The following MAP4 variants were observed in gnomAD, a reference collection of about 807,000 sequenced individuals.
The protein encoded by MAP4 is microtubule associated protein 4.
MAP4 carries 76 observed loss-of-function variants against 170.2 expected under a neutral mutation model. The observed-to-expected ratio is 0.45, with a 90% CI of 0.37 to 0.54. The LOEUF is 0.54. Ranked by LOEUF, MAP4 falls within the 20% of genes least tolerant of loss-of-function variation. The pLI is 0.00. For synonymous variants in MAP4, 909 were observed against 994.5 expected (o/e 0.91, Z 1.62); for missense variants, 2,506 against 2,748.0 (o/e 0.91, Z 1.97).
Position 47,881,039 on chromosome 3 carries a change from A to G in MAP4, c.5435-3516T>C, listed in dbSNP as rs536356214. Reference sequence around the variant, plus strand: ...TTAGCTCTGTCAGTTTTTGTTTCATATATCTTGATGCTCTGTTTTTTGGTG... The same window carrying G: ...TTAGCTCTGTCAGTTTTTGTTTCATGTATCTTGATGCTCTGTTTTTTGGTG... On this transcript the variant is annotated intron_variant, in intron 10 of 20. Transcript: ENST00000683076. 4.6e-5 allele frequency among the ~76,000 whole-genome samples: 7 copies of G among 152,162 alleles called. No homozygotes were observed. The South Asian group carries it at 1.2e-3, about 27-fold the overall frequency.
In MAP4 at chr3:47,980,303, C is replaced by T. The variant is rs191886941; in HGVS notation, c.224-2370G>A. 3.4e-4 allele frequency among the ~76,000 whole-genome samples: 52 copies of T among 152,248 alleles called. 1 individual carries two copies. The highest frequency in any genetic ancestry group is 3.1e-3 in the Admixed American group (47 of 15,300). On this transcript the variant is annotated intron_variant, in intron 2 of 20. Coordinates refer to ENST00000683076, the MANE Select transcript of MAP4 (RefSeq NM_001385682.1). The stretch of plus-strand genomic sequence containing the variant: ...TACAACTTTTTCTGAAAGTCTCTGA[C>T]TATATCTAACATTTTAGCAACCAGC...
At chr3:47,963,925 AAG>A (rs2100073224) in intron 3 of MAP4, among the ~76,000 whole-genome samples, 1 of 152,238 alleles carries the variant, frequency 6.6e-6, no homozygotes, top group African/African-American at 2.4e-5. Flanking sequence ...TGAGAAAGTG[AAG>A]AGTCAATCAT....
chr3:48,022,725 C>G (rs144815380), intron 1 of MAP4, among the ~76,000 whole-genome samples: 5,768 of 152,122 alleles, frequency 0.038, 377 homozygotes, highest in African/African-American at 0.13. Context: ...CCCGTCTCTA[C>G]GAAAAACACA....
At chr3:47,868,111 C>T (rs537335347) in intron 16 of MAP4, among the ~76,000 whole-genome samples, 48 of 152,296 alleles carry the variant, frequency 3.2e-4, no homozygotes, top group East Asian at 2.1e-3. Flanking sequence ...GCAGCAAGGA[C>T]GCCCAATCCT....
At chr3:48,067,002 G>A (rs956381217) in intron 1 of MAP4, among the ~76,000 whole-genome samples, 3 of 151,626 alleles carry the variant, frequency 2.0e-5, no homozygotes, top group East Asian at 1.9e-4. Flanking sequence ...CACCACGCCC[G>A]GCTAATTTTT....
intron 3 of MAP4, among the ~76,000 whole-genome samples, chr3:47,955,391 A>T (rs1266221859): frequency 6.6e-6 from 1 of 151,724 alleles, no homozygotes; most frequent in Non-Finnish European, 1.5e-5. Flanking sequence ...GCCCACAGAG[A>T]TCTTGATCGC....
intron 6 of MAP4, among the ~76,000 whole-genome samples, chr3:47,918,043 C>T (rs767538548): frequency 4.6e-5 from 7 of 151,990 alleles, no homozygotes; most frequent in East Asian, 1.9e-4. Context: ...AGTGCAGTGG[C>T]GCAATCTCGG....
chr3:48,064,686 G>C (rs1559888845), intron 1 of MAP4, among the ~76,000 whole-genome samples: 2 of 152,092 alleles, frequency 1.3e-5, no homozygotes, highest in South Asian at 2.1e-4. Flanking sequence ...AATGTGTTAG[G>C]TGACTTCATC....
intron 1 of MAP4, chr3:48,013,526 TGA>T (rs749557553): frequency 3.9e-5 from 6 of 152,052 alleles, no homozygotes; most frequent in South Asian, 2.1e-4. Context: ...ATCTGTAAAA[TGA>T]GAGTGTTATG....
intron 1 of MAP4, among the ~76,000 whole-genome samples, chr3:48,078,116 G>A (rs1001662914): frequency 6.6e-6 from 1 of 152,082 alleles, no homozygotes; most frequent in Non-Finnish European, 1.5e-5. Context: ...GCACAACATT[G>A]TGAATACACC....
intron 2 of MAP4, among the ~76,000 whole-genome samples, chr3:47,983,053 C>A (rs114085622): frequency 2.6e-5 from 4 of 151,806 alleles, no homozygotes; most frequent in Non-Finnish European, 5.9e-5. Context: ...TACAGGCGTG[C>A]GCCACCACTC....
chr3:48,005,016 C>T (rs1239671294), intron 1 of MAP4, among the ~76,000 whole-genome samples: 1 of 152,116 alleles, frequency 6.6e-6, no homozygotes, highest in African/African-American at 2.4e-5. Flanking sequence ...CCACAGGTCC[C>T]TAGAGGTGAG....
chr3:47,875,434 C>CA (rs1285585641), intron 12 of MAP4, among the ~76,000 whole-genome samples: 1 of 152,184 alleles, frequency 6.6e-6, no homozygotes, highest in African/African-American at 2.4e-5. Context: ...TTAATGTCTG[C>CA]ATCAATGGGC....
At chr3:47,948,270 G>C (rs528048751) in intron 3 of MAP4, among the ~76,000 whole-genome samples, 2 of 137,680 alleles carry the variant, frequency 1.5e-5, no homozygotes, top group South Asian at 4.6e-4. Flanking sequence ...TCTCAGCTCT[G>C]TTGCCCAGGA....
intron 10 of MAP4, among the ~76,000 whole-genome samples, chr3:47,880,764 T>A (rs1428916797): frequency 6.6e-6 from 1 of 152,220 alleles, no homozygotes; most frequent in Admixed American, 6.5e-5. Flanking sequence ...TGCCCCATCA[T>A]AATTTCAATC....
chr3:47,854,303 T>TG (rs990157199), intron 19 of MAP4, among the ~76,000 whole-genome samples: 5 of 152,002 alleles, frequency 3.3e-5, no homozygotes, highest in Admixed American at 3.3e-4. Flanking sequence ...TCACGAGGTA[T>TG]GGGGGGCACG....
intron 1 of MAP4, among the ~76,000 whole-genome samples, chr3:48,038,707 G>T (rs142356180): frequency 1.3e-5 from 2 of 152,058 alleles, no homozygotes; most frequent in Admixed American, 1.3e-4. Context: ...TGATCCGCCC[G>T]CCTCGGCCTC....
At chr3:47,853,004 G>T (rs2045957656) in intron 20 of MAP4, 66 bp from the exon 21 acceptor site, 15 of 1,614,234 alleles carry the variant, frequency 9.3e-6, no homozygotes, top group Non-Finnish European at 1.3e-5. Flanking sequence ...ACACGGGGGA[G>T]ACGGAAGACG....
In MAP4 at chr3:47,892,209, T is replaced by C. The variant is rs906506861; in HGVS notation, c.5434+10741A>G. 24 of 1,536,282 alleles carry C rather than the reference T, an allele frequency of 1.6e-5. No individual in the cohort carries two copies. In the Admixed American group the frequency reaches 4.7e-4, roughly 30 times the overall value. ...TGACCTGAGGCTTCTTGACAGTCCT[T>C]GTCCTGCATTTCAATGCTCAGCTCT... On this transcript the variant is annotated intron_variant, in intron 10 of 20. Transcript: ENST00000683076.
Sources: allele counts gnomAD v4.1 joint callset (sites outside exome capture counted in the v4.1 genomes callset), GRCh38; gene constraint gnomAD v4.1.1; transcripts MANE v1.5; gene names NCBI Gene and HGNC (gene_info 2026-07-23, HGNC 2026-07-21).